CAST: variants seen among roughly 807,000 people sequenced by gnomAD.
CAST encodes the protein MIR583 host.
CAST carries 76 observed loss-of-function variants against 119.6 expected under a neutral mutation model. The observed-to-expected ratio is 0.64, with a 90% CI of 0.53 to 0.77. CAST has a LOEUF of 0.77. Among genes scored for constraint, CAST ranks in the 30% least tolerant of loss-of-function variants. The probability of loss-of-function intolerance (pLI) is 0.00; values close to 1 mark genes in which losing one functional copy is unlikely to be tolerated. For synonymous variants in CAST, 319 were observed against 331.6 expected (o/e 0.96, Z 0.41); for missense variants, 953 against 946.5 (o/e 1.01, Z -0.09).
the CAST span, among the ~76,000 whole-genome samples, chr5:96,367,097 A>G: frequency 6.6e-6 from 1 of 152,230 alleles, no homozygotes; most frequent in East Asian, 1.9e-4. Flanking sequence ...GGTCTGCTCC[A>G]GACCTGTTTG....
At chr5:96,260,256 C>T in the CAST span, among the ~76,000 whole-genome samples, 1,367 of 152,300 alleles carry the variant, frequency 9.0e-3, 13 homozygotes, top group Non-Finnish European at 0.012. Context: ...GCGAAAATCT[C>T]TAAAACCGGA....
chr5:96,139,761 C>T, the CAST span, among the ~76,000 whole-genome samples: 147 of 151,728 alleles, frequency 9.7e-4, 2 homozygotes, highest in South Asian at 0.016. Flanking sequence ...ATTCTAGGTC[C>T]GACCATGTTA....
the CAST span, among the ~76,000 whole-genome samples, chr5:96,150,344 G>A: frequency 3.3e-5 from 5 of 152,186 alleles, no homozygotes; most frequent in Admixed American, 2.0e-4. Flanking sequence ...AAGGCTTAGC[G>A]TTCTTGGAGG....
At chr5:96,735,917 C>T (rs1761536101) in intron 9 of CAST, among the ~76,000 whole-genome samples, 1 of 152,198 alleles carries the variant, frequency 6.6e-6, no homozygotes, top group Non-Finnish European at 1.5e-5. Flanking sequence ...TTCAAATCTT[C>T]ATTCTGTCCC....
the CAST span, among the ~76,000 whole-genome samples, chr5:96,131,541 G>C: frequency 3.9e-5 from 6 of 152,254 alleles, no homozygotes; most frequent in Middle Eastern, 3.4e-3. Context: ...CAGAGCTGCA[G>C]CAATTGACTT....
chr5:96,067,294 T>C, the CAST span, among the ~76,000 whole-genome samples: 1 of 152,220 alleles, frequency 6.6e-6, no homozygotes, highest in Non-Finnish European at 1.5e-5. Context: ...GGGCCAATTT[T>C]ATAGGTGTAG....
chr5:96,611,545 C>T (rs1747362321), intron 1 of CAST, among the ~76,000 whole-genome samples: 2 of 143,172 alleles, frequency 1.4e-5, no homozygotes. Context: ...TGGATATGGG[C>T]CTAGGGAAAG....
chr5:96,138,975 G>C, the CAST span, among the ~76,000 whole-genome samples: 5 of 151,962 alleles, frequency 3.3e-5, no homozygotes, highest in African/African-American at 4.8e-5. Context: ...AAGGAGTGGT[G>C]AGAGGAGGCA....
the CAST span, among the ~76,000 whole-genome samples, chr5:96,068,348 A>G: frequency 6.6e-6 from 1 of 152,064 alleles, no homozygotes; most frequent in Admixed American, 6.6e-5. Context: ...AAAACGGAAT[A>G]AGAAGCAGGA....
the CAST span, chr5:96,415,922 C>A: frequency 1.3e-6 from 1 of 749,460 alleles, no homozygotes; most frequent in Non-Finnish European, 2.4e-6. Context: ...TGGCATGGAA[C>A]TAATTTGTTC....
At chr5:96,730,391 A>G (rs1490510743) in intron 8 of CAST, among the ~76,000 whole-genome samples, 2 of 152,250 alleles carry the variant, frequency 1.3e-5, no homozygotes, top group Non-Finnish European at 2.9e-5. Context: ...ATTATTTTTA[A>G]TTAATTGCCA....
the CAST span, among the ~76,000 whole-genome samples, chr5:96,157,146 A>G: frequency 6.6e-6 from 1 of 152,192 alleles, no homozygotes; most frequent in Non-Finnish European, 1.5e-5. Context: ...AATTTAAAAC[A>G]ATGTATTCCC....
chr5:96,527,354 C>A (rs1745611981), upstream of CAST, among the ~76,000 whole-genome samples: 1 of 152,160 alleles, frequency 6.6e-6, no homozygotes, highest in East Asian at 1.9e-4. Flanking sequence ...AAGAAGGCAG[C>A]TTTTGCATGA....
chr5:96,553,816 A>G (rs1043938438), intron 1 of CAST, among the ~76,000 whole-genome samples: 15 of 152,220 alleles, frequency 9.9e-5, no homozygotes, highest in African/African-American at 2.9e-4. Flanking sequence ...TGCTACTAAG[A>G]GAATAAAATA....
chr5:96,493,488 C>T, the CAST span, among the ~76,000 whole-genome samples: 1 of 152,106 alleles, frequency 6.6e-6, no homozygotes, highest in Non-Finnish European at 1.5e-5. Context: ...GGAAGTTGGG[C>T]AGGCTGCAAA....
chr5:96,756,208 C>T (rs1383665834), intron 22 of CAST, among the ~76,000 whole-genome samples: 1 of 152,176 alleles, frequency 6.6e-6, no homozygotes, highest in Non-Finnish European at 1.5e-5. Context: ...AGGCCACAAC[C>T]TCCCCTTCCA....
chr5:96,441,081 G>C, the CAST span, among the ~76,000 whole-genome samples: 1 of 152,180 alleles, frequency 6.6e-6, no homozygotes, highest in Non-Finnish European at 1.5e-5. Flanking sequence ...TAATTTACCT[G>C]TTGAAGTTAT....
the CAST span, among the ~76,000 whole-genome samples, chr5:96,278,042 T>A: frequency 6.6e-6 from 1 of 152,106 alleles, no homozygotes; most frequent in Non-Finnish European, 1.5e-5. Flanking sequence ...ATAGAGTTTT[T>A]TTTTTTCAAT....
chr5:96,524,853 G>T (rs1271571799), upstream of CAST, among the ~76,000 whole-genome samples: 1 of 152,182 alleles, frequency 6.6e-6, no homozygotes. Flanking sequence ...GGTTAATATT[G>T]ATTCTTGCTA....
Sources: allele counts gnomAD v4.1 joint callset (sites outside exome capture counted in the v4.1 genomes callset), GRCh38; gene constraint gnomAD v4.1.1; transcripts MANE v1.5; gene names NCBI Gene and HGNC (gene_info 2026-07-23, HGNC 2026-07-21).